The following KIF11 variants were observed in gnomAD, a reference collection of about 807,000 sequenced individuals.
KIF11 encodes the protein kinesin-like protein KIF11.
Under a neutral mutation model 121.0 loss-of-function variants are expected in KIF11, and 9 were observed. The ratio of observed to expected loss-of-function variants is 0.07; its 90% CI spans 0.04 to 0.13. KIF11 has a LOEUF of 0.13. Ranked by LOEUF, KIF11 falls within the 10% of genes least tolerant of loss-of-function variation. The probability of loss-of-function intolerance (pLI) is 1.00; values close to 1 mark genes in which losing one functional copy is unlikely to be tolerated. For synonymous variants in KIF11, 408 were observed against 421.0 expected, an observed-to-expected ratio of 0.97 and a Z score of 0.38; for missense variants, 846 against 1,217.5, an observed-to-expected ratio of 0.69 and a Z score of 4.54.
chr10:92,599,524 C>CAA (rs377476272), intron 1 of KIF11, among the ~76,000 whole-genome samples: 42 of 92,394 alleles, frequency 4.5e-4, no homozygotes, highest in South Asian at 3.6e-3. Flanking sequence ...GACTCTGTCT[C>CAA]AAAAAAAAAA....
chr10:92,649,614 A>C lies in KIF11; in HGVS notation c.2771-221A>C, dbSNP rs78215623. On this transcript the variant is annotated intron_variant, in intron 19 of 21. Coordinates refer to ENST00000260731, the MANE Select transcript of KIF11 (RefSeq NM_004523.4). ...TCAGAGATGGTAAACTTCATGTTTT[A>C]GAGAGTAGGATGAATCTTGAAAACA... Among the ~76,000 whole-genome samples, 3,174 of 152,284 alleles carry C rather than the reference A, an allele frequency of 0.021. 49 individuals carry two copies. Among genetic ancestry groups the C allele is most frequent in the Admixed American group, 0.052 (800 of 15,274 alleles).
At chr10:92,602,807 A>AAC (rs112100552) in intron 1 of KIF11, among the ~76,000 whole-genome samples, 59 of 137,980 alleles carry the variant, frequency 4.3e-4, no homozygotes, top group East Asian at 1.9e-3. Context: ...TGGTTACTTA[A>AAC]ACACACACAC....
At chr10:92,594,097 T>G (rs1844265175) in intron 1 of KIF11, among the ~76,000 whole-genome samples, 1 of 152,192 alleles carries the variant, frequency 6.6e-6, no homozygotes, top group Admixed American at 6.6e-5. Flanking sequence ...AACTTCCCAA[T>G]TTTAAAATAA....
At chr10:92,631,877 G>T (rs576858017) in intron 12 of KIF11, among the ~76,000 whole-genome samples, 1 of 152,090 alleles carries the variant, frequency 6.6e-6, no homozygotes, top group African/African-American at 2.4e-5. Context: ...GTTTCACCAT[G>T]TTGGCCAGGC....
At chr10:92,633,845 T>C in intron 14 of KIF11, 50 bp downstream of exon 14, 1 of 1,198,806 alleles carries the variant, frequency 8.3e-7, no homozygotes, top group Non-Finnish European at 1.2e-6. Flanking sequence ...TGATAAGTAT[T>C]TGATAAAATA....
chr10:92,653,654 T>G lies in KIF11; in HGVS notation c.3040-11T>G. The stretch of plus-strand genomic sequence containing the variant: ...TTGTATTGACTTAATTTTCCCGCCT[T>G]AAATCCACAGCATAAAAAATCACAT... On this transcript the variant is annotated splice_polypyrimidine_tract_variant and intron_variant, in intron 21 of 21. Transcript: ENST00000260731. 6.2e-7 allele frequency: 1 copy of G among 1,607,642 alleles called. No homozygotes were observed. The highest frequency in any genetic ancestry group is 8.5e-7 in the Non-Finnish European group (1 of 1,176,972).
chr10:92,614,737 T>A (rs1189203830), intron 8 of KIF11, among the ~76,000 whole-genome samples: 1 of 152,216 alleles, frequency 6.6e-6, no homozygotes, highest in Admixed American at 6.5e-5. Context: ...AAATGTACGC[T>A]TATTTTATTG....
In KIF11 at chr10:92,653,718, G is replaced by A; in HGVS notation, c.3093G>A (p.Glu1031=). 2 of 1,612,812 alleles carry A rather than the reference G, an allele frequency of 1.2e-6. No individual in the cohort carries two copies. Among genetic ancestry groups the A allele is most frequent in the Non-Finnish European group, 8.5e-7 (1 of 1,178,848 alleles). Residue 1031 remains glutamate (E), a synonymous_variant, in exon 22 of 22, where the codon GAG becomes GAA. Coordinates refer to ENST00000260731, the MANE Select transcript of KIF11 (RefSeq NM_004523.4). The stretch of plus-strand genomic sequence containing the variant: ...AAAACAGAGGCATTAACACACTGGA[G>A]AGGTCTAAAGTGGAAGAAACTACAG... ...DKENRGINTL[E]RSKVEETTEH...
intron 10 of KIF11, among the ~76,000 whole-genome samples, chr10:92,624,923 C>T (rs1432764910): frequency 6.6e-6 from 1 of 151,998 alleles, no homozygotes; most frequent in Non-Finnish European, 1.5e-5. Flanking sequence ...GCACCCACCA[C>T]CGCACCTGGC....
At chr10:92,602,825 CGTGTG>C (rs1844386634) in intron 1 of KIF11, among the ~76,000 whole-genome samples, 2 of 122,382 alleles carry the variant, frequency 1.6e-5, no homozygotes, top group African/African-American at 7.2e-5. Context: ...CACACACACA[CGTGTG>C]TGTGTGTGTG....
rs1203689286 is a variant in KIF11, at chr10:92,608,929, T to C, written c.388-91T>C. 5 of 666,774 alleles carry C rather than the reference T, an allele frequency of 7.5e-6. 1 individual carries two copies. In the South Asian group the frequency reaches 1.3e-4, roughly 18 times the overall value. 41.3% of individuals were successfully genotyped at this position (666,774 alleles called of 1,614,324 possible). On this transcript the variant is annotated intron_variant, in intron 4 of 21. Coordinates refer to ENST00000260731, the MANE Select transcript of KIF11 (RefSeq NM_004523.4). ...GTTTTAACTTGCTTTGCCATACTTA[T>C]GTTTAAATATATTATAAAGGAGGCC...
chr10:92,638,963 G>A (rs1844836599), intron 16 of KIF11, among the ~76,000 whole-genome samples: 1 of 152,134 alleles, frequency 6.6e-6, no homozygotes, highest in Admixed American at 6.6e-5. Context: ...TTGCAATGTA[G>A]CATGTTATAT....
chr10:92,620,640 A>C (rs1039243890), intron 9 of KIF11, among the ~76,000 whole-genome samples: 1 of 152,178 alleles, frequency 6.6e-6, no homozygotes, highest in African/African-American at 2.4e-5. Flanking sequence ...CAAAAGAAAG[A>C]GGTTTATTGG....
chr10:92,597,085 C>T (rs892415097), intron 1 of KIF11: 1 of 361,982 alleles, frequency 2.8e-6, no homozygotes. Flanking sequence ...GATTCACACT[C>T]CTGCATCTTT....
intron 6 of KIF11, among the ~76,000 whole-genome samples, chr10:92,611,770 G>A (rs1318794643): frequency 6.6e-6 from 1 of 152,126 alleles, no homozygotes; most frequent in East Asian, 1.9e-4. Context: ...GTGGTGGCGT[G>A]TGCCTGTAAT....
At chr10:92,638,211 T>C (rs1279118182) in intron 16 of KIF11, among the ~76,000 whole-genome samples, 1 of 152,216 alleles carries the variant, frequency 6.6e-6, no homozygotes, top group Non-Finnish European at 1.5e-5. Context: ...ACTCTTATAA[T>C]AGTTAACATT....
intron 1 of KIF11, among the ~76,000 whole-genome samples, chr10:92,603,785 G>A (rs76519424): frequency 0.087 from 13,305 of 152,178 alleles, 669 homozygotes; most frequent in Middle Eastern, 0.11. Context: ...ACTGTGCCTG[G>A]CCTGCTTTAT....
chr10:92,626,365 T>A (rs7071905), intron 10 of KIF11, among the ~76,000 whole-genome samples: 1 of 152,050 alleles, frequency 6.6e-6, no homozygotes, highest in Non-Finnish European at 1.5e-5. Flanking sequence ...ATGTGCAGAA[T>A]ATTGAAACTG....
In KIF11 at chr10:92,630,329, A is replaced by G; in HGVS notation, c.1459A>G (p.Ser487Gly). The G allele has an allele frequency of 1.3e-6, 2 of 1,591,476 alleles. No homozygotes were observed. The highest frequency in any genetic ancestry group is 1.7e-6 in the Non-Finnish European group (2 of 1,172,896). ...AGAATATATCACATCAGCTTTGGAA[A>G]GTACTGAGGAGAAACTTCATGATGC... ...KEEYITSALESTEEKLHDAAS... is the reference protein window; with the variant it reads ...KEEYITSALEGTEEKLHDAAS... Residue 487 changes from serine to glycine, a missense_variant, in exon 12 of 22, where the codon AGT (serine) becomes GGT (glycine). Physicochemically the swap from Ser to Gly is moderately conservative, Grantham distance 56. Around this residue, in one of 5 missense-constraint regions of KIF11, gnomAD observed 95 missense variants for 109.3 expected, o/e 0.87. Transcript: ENST00000260731.
Sources: gnomAD v4.1 joint callset for allele counts (sites outside exome capture counted in the v4.1 genomes callset) on GRCh38, gnomAD v4.1.1 for gene constraint, gnomAD v4.1.1 regional missense constraint, MANE v1.5 for transcripts, NCBI Gene and HGNC (gene_info 2026-07-23, HGNC 2026-07-21) for gene names.